Variants in FBXL3 observed in about 807,000 individuals in gnomAD.
The protein encoded by FBXL3 is F-box and leucine rich repeat protein 3.
In FBXL3, 14 loss-of-function variants were observed where a neutral mutation model predicts 37.9. That is an observed-to-expected ratio of 0.37 (90% CI 0.24 to 0.58). The LOEUF (loss-of-function observed/expected upper bound fraction) is 0.58. Among genes scored for constraint, FBXL3 ranks in the 20% least tolerant of loss-of-function variants. The pLI is 0.74. For synonymous variants in FBXL3, 194 were observed against 180.1 expected, an observed-to-expected ratio of 1.08 and a Z score of -0.62; for missense variants, 327 against 511.1, an observed-to-expected ratio of 0.64 and a Z score of 3.47.
In FBXL3 at chr13:77,005,457, T is replaced by G. The variant is rs2034433918; in HGVS notation, c.*1688A>C. 1 of 152,542 alleles carries G rather than the reference T, an allele frequency of 6.6e-6. No individual in the cohort carries two copies. The highest frequency in any genetic ancestry group is 2.4e-5 in the African/African-American group (1 of 41,450). The allele number at this position is 152,542 out of a possible 1,614,324, so 9.4% of individuals were successfully genotyped here. A position where few individuals can be genotyped will look rare whatever the true frequency, so the allele number is the denominator to read the frequency against. On this transcript the variant is annotated 3_prime_UTR_variant, in exon 5 of 5. Transcript: ENST00000355619. ...ACTGATTATGTACTGTCAAATCCAT[T>G]TTTCCAAAGTTGTTCAAGGAAAAAC...
chr13:77,021,935 G>C, intron 1 of FBXL3, 74 bp from the exon 2 acceptor site: 2 of 1,220,328 alleles, frequency 1.6e-6, no homozygotes, highest in South Asian at 2.9e-5. Context: ...TCATTCTTCT[G>C]TCACTGAGAT....
At chr13:77,026,503 C>T (rs749679077) in intron 1 of FBXL3, 5 of 482,790 alleles carry the variant, frequency 1.0e-5, no homozygotes, top group African/African-American at 4.2e-5. Flanking sequence ...CAGCCCCCGC[C>T]AAGGGTCATA....
At chr13:77,012,314 GAAAA>G (rs58756999) in intron 4 of FBXL3, among the ~76,000 whole-genome samples, 91,048 of 150,920 alleles carry the variant, frequency 0.6, 30,700 homozygotes, top group Non-Finnish European at 0.77. Flanking sequence ...AACTCATTTG[GAAAA>G]AAAAAATATG....
chr13:77,018,405 T>C (rs2034681658), intron 3 of FBXL3, 195 bp downstream of exon 3: 1 of 365,830 alleles, frequency 2.7e-6, no homozygotes, highest in African/African-American at 2.3e-5. Context: ...CATACCAATT[T>C]AGAAGTATGG....
intron 2 of FBXL3, among the ~76,000 whole-genome samples, chr13:77,019,690 G>A (rs550852687): frequency 1.1e-4 from 16 of 152,080 alleles, no homozygotes; most frequent in Non-Finnish European, 2.2e-4. Flanking sequence ...TGATTTTGAT[G>A]CACATAAAGT....
intron 2 of FBXL3, among the ~76,000 whole-genome samples, chr13:77,020,668 T>C (rs917436125): frequency 6.6e-6 from 1 of 151,824 alleles, no homozygotes; most frequent in East Asian, 1.9e-4. Context: ...CCAGTAAACA[T>C]GTCCATATTT....
At chr13:77,022,409 T>A (rs1425942031) in intron 1 of FBXL3, among the ~76,000 whole-genome samples, 1 of 152,122 alleles carries the variant, frequency 6.6e-6, no homozygotes, top group East Asian at 1.9e-4. Flanking sequence ...CAGTCTGAAC[T>A]CCTCCTCCTG....
chr13:77,006,689 T>G lies in FBXL3; in HGVS notation c.*456A>C. 4.9e-6 allele frequency: 2 copies of G among 412,330 alleles called. No individual in the cohort carries two copies. Among genetic ancestry groups the G allele is most frequent in the Non-Finnish European group, 6.6e-6 (2 of 304,934 alleles). 25.5% of individuals were successfully genotyped at this position (412,330 alleles called of 1,614,324 possible). A position where few individuals can be genotyped will look rare whatever the true frequency, so the allele number is the denominator to read the frequency against. The stretch of plus-strand genomic sequence containing the variant: ...TCCATTAGATATGATATATTCATTT[T>G]TCTCACAAAATGCTCACTTTCCTGA... On this transcript the variant is annotated 3_prime_UTR_variant, in exon 5 of 5. Coordinates refer to ENST00000355619, the MANE Select transcript of FBXL3 (RefSeq NM_012158.4).
In FBXL3 at chr13:77,005,703, G is replaced by A. The variant is rs959307901; in HGVS notation, c.*1442C>T. On this transcript the variant is annotated 3_prime_UTR_variant, in exon 5 of 5. Coordinates refer to ENST00000355619, the MANE Select transcript of FBXL3 (RefSeq NM_012158.4). ...CTTAAGAAGGCCATCCGTTTTAAAAGTAGATCTAAGACTGTTAGCTTCCTC... is the reference window on the plus strand; with the variant it reads ...CTTAAGAAGGCCATCCGTTTTAAAAATAGATCTAAGACTGTTAGCTTCCTC... 1 of 152,066 alleles carries A rather than the reference G, an allele frequency of 6.6e-6. No homozygotes were observed. The highest frequency in any genetic ancestry group is 1.5e-5 in the Non-Finnish European group (1 of 67,954). The allele number at this position is 152,066 out of a possible 1,614,324, so 9.4% of individuals were successfully genotyped here.
At chr13:77,017,879 G>A (rs2034672407) in intron 3 of FBXL3, 1 of 151,824 alleles carries the variant, frequency 6.6e-6, no homozygotes, top group South Asian at 2.1e-4. Context: ...TTAAAAGGGT[G>A]TCTATATTTT....
At chr13:77,022,459 A>C (rs2034762279) in intron 1 of FBXL3, among the ~76,000 whole-genome samples, 1 of 152,140 alleles carries the variant, frequency 6.6e-6, no homozygotes. Flanking sequence ...AGGAGTGAGA[A>C]TCTTATTGTG....
chr13:77,023,782 G>A (rs967216276), intron 1 of FBXL3, among the ~76,000 whole-genome samples: 1 of 152,346 alleles, frequency 6.6e-6, no homozygotes, highest in Non-Finnish European at 1.5e-5. Flanking sequence ...TGTGTGAGAT[G>A]AAGGATATGC....
chr13:77,015,999 A>C lies in FBXL3; in HGVS notation c.472-419T>G, dbSNP rs146095818. ...CCACTAAATAGTAACTATTAACACC[A>C]TCATTAAAAATTAATAATTTATTCA... On this transcript the variant is annotated intron_variant, in intron 3 of 4. Transcript: ENST00000355619. 9.5e-3 allele frequency: 1,450 copies of C among 152,586 alleles called. 10 individuals are homozygous for C. Among genetic ancestry groups the C allele is most frequent in the Middle Eastern group, 0.02 (6 of 296 alleles). 9.5% of individuals were successfully genotyped at this position (152,586 alleles called of 1,614,324 possible).
At chr13:77,017,883 A>G (rs1037205751) in intron 3 of FBXL3, 2 of 152,046 alleles carry the variant, frequency 1.3e-5, no homozygotes, top group South Asian at 2.1e-4. Context: ...AAGGGTGTCT[A>G]TATTTTAGTT....
rs532748860 is a variant in FBXL3, at chr13:77,022,592, T to C, written c.-1-731A>G. On this transcript the variant is annotated intron_variant, in intron 1 of 4. Transcript: ENST00000355619. Reference sequence around the variant, plus strand: ...GCCACGGACAGGCACTGGGCTATGCTATGTGTTACTGCCAGACATTTCTTA... The same window carrying C: ...GCCACGGACAGGCACTGGGCTATGCCATGTGTTACTGCCAGACATTTCTTA... Among the ~76,000 whole-genome samples the C allele has an allele frequency of 7.2e-5, 11 of 152,300 alleles. No homozygotes were observed. The East Asian group carries it at 2.1e-3, about 29-fold the overall frequency.
chr13:77,026,328 TCCCTGCGCCACCTCCC>T, intron 1 of FBXL3: 1 of 985,374 alleles, frequency 1.0e-6, no homozygotes, highest in Non-Finnish European at 1.2e-6. Context: ...CGTCCCCTCC[TCCCTGCGCCACCTCCC>T]CACCGACTGG....
intron 4 of FBXL3, among the ~76,000 whole-genome samples, chr13:77,012,061 GAC>G (rs2034564477): frequency 6.6e-6 from 1 of 152,186 alleles, no homozygotes. Flanking sequence ...AATCTACAGA[GAC>G]AGAAAATAGA....
chr13:77,013,359 C>T (rs1218733272), intron 4 of FBXL3: 1 of 152,152 alleles, frequency 6.6e-6, no homozygotes, highest in African/African-American at 2.4e-5. Flanking sequence ...GCAGGACTTC[C>T]AAACTAGCTA....
intron 4 of FBXL3, chr13:77,008,551 G>GT (rs1341367620): frequency 6.6e-6 from 1 of 152,186 alleles, no homozygotes; most frequent in Non-Finnish European, 1.5e-5. Flanking sequence ...TGATCTCTCT[G>GT]TAAGAGTTCT....
Sources: gnomAD v4.1 joint callset for allele counts (sites outside exome capture counted in the v4.1 genomes callset) on GRCh38, gnomAD v4.1.1 for gene constraint, MANE v1.5 for transcripts, NCBI Gene and HGNC (gene_info 2026-07-23, HGNC 2026-07-21) for gene names.